OMA1: variants seen among roughly 807,000 people sequenced by gnomAD.
OMA1 encodes metalloendopeptidase OMA1, mitochondrial.
In OMA1, 38 loss-of-function variants were observed where a neutral mutation model predicts 30.9. The ratio of observed to expected loss-of-function variants is 1.23; its 90% CI spans 0.95 to 1.61. The LOEUF is 1.61. Among genes scored for constraint, OMA1 ranks in the 40% most tolerant of loss-of-function variants. OMA1 has a pLI of 0.00. For synonymous variants in OMA1, 173 were observed against 121.9 expected (o/e 1.42, Z -2.76); for missense variants, 461 against 349.2 (o/e 1.32, Z -2.55).
At chr1:58,542,990 T>TTA (rs372514731) in intron 1 of OMA1, among the ~76,000 whole-genome samples, 7,385 of 145,070 alleles carry the variant, frequency 0.051, 222 homozygotes, top group African/African-American at 0.065. Context: ...AAAGCTTTTT[T>TTA]AAAAAAAAAA....
At chr1:58,493,861 C>T (rs1415672379) in intron 8 of OMA1, among the ~76,000 whole-genome samples, 1 of 151,616 alleles carries the variant, frequency 6.6e-6, no homozygotes, top group African/African-American at 2.4e-5. Context: ...TTTATAGATT[C>T]AATGCCATCC....
intron 7 of OMA1, among the ~76,000 whole-genome samples, chr1:58,525,592 A>G (rs952004948): frequency 1.3e-5 from 2 of 152,130 alleles, no homozygotes; most frequent in African/African-American, 2.4e-5. Flanking sequence ...AAAATATATC[A>G]TATTTATGGA....
At chr1:58,533,119 A>G (rs557699982) in intron 5 of OMA1, among the ~76,000 whole-genome samples, 43 of 152,366 alleles carry the variant, frequency 2.8e-4, no homozygotes, top group African/African-American at 9.6e-4. Context: ...TTTTAAATGA[A>G]TAACAATTTA....
chr1:58,499,967 G>A (rs1388356251), intron 8 of OMA1, among the ~76,000 whole-genome samples: 3 of 151,712 alleles, frequency 2.0e-5, no homozygotes, highest in Non-Finnish European at 4.4e-5. Context: ...AAAAAAAGAA[G>A]AAAAAAATGG....
chr1:58,513,106 T>C (rs1224225401), intron 7 of OMA1, among the ~76,000 whole-genome samples: 1 of 152,104 alleles, frequency 6.6e-6, no homozygotes, highest in Non-Finnish European at 1.5e-5. Flanking sequence ...TCCCCATGTG[T>C]CGAGGGAGGG....
chr1:58,536,285 T>A (rs1475999307), intron 3 of OMA1, among the ~76,000 whole-genome samples: 2 of 152,068 alleles, frequency 1.3e-5, no homozygotes, highest in Non-Finnish European at 2.9e-5. Flanking sequence ...AAAAGTGACA[T>A]TTAAGGTGAA....
At chr1:58,499,791 T>A (rs983512254) in intron 8 of OMA1, among the ~76,000 whole-genome samples, 1 of 151,538 alleles carries the variant, frequency 6.6e-6, no homozygotes, top group African/African-American at 2.4e-5. Context: ...TTAGTTAAAG[T>A]AAATAAAAAA....
intron 7 of OMA1, among the ~76,000 whole-genome samples, chr1:58,522,844 T>C (rs1646288308): frequency 6.6e-6 from 1 of 152,176 alleles, no homozygotes; most frequent in African/African-American, 2.4e-5. Context: ...TAAGTGGAAG[T>C]GGATCATCAT....
chr1:58,495,167 G>T (rs1260636000), intron 8 of OMA1, among the ~76,000 whole-genome samples: 1 of 152,042 alleles, frequency 6.6e-6, no homozygotes, highest in African/African-American at 2.4e-5. Context: ...ACTATTGCAA[G>T]GACAAAAAAC....
At chr1:58,510,734 A>C (rs936516019) in intron 7 of OMA1, among the ~76,000 whole-genome samples, 11 of 152,006 alleles carry the variant, frequency 7.2e-5, no homozygotes, top group African/African-American at 2.4e-4. Context: ...CTCCACACAC[A>C]CAAAAAAAAA....
At chr1:58,533,902 T>C (rs759587060) in intron 5 of OMA1, 51 bp downstream of exon 5, 2 of 840,658 alleles carry the variant, frequency 2.4e-6, no homozygotes. Context: ...ATTTAACTTG[T>C]TAACTTCAAA....
At chr1:58,514,552 C>CT (rs1646130367) in intron 7 of OMA1, among the ~76,000 whole-genome samples, 1 of 152,092 alleles carries the variant, frequency 6.6e-6, no homozygotes, top group Non-Finnish European at 1.5e-5. Context: ...GAATCTGAAT[C>CT]TTTTTTTAGG....
chr1:58,532,613 G>T (rs1646451702), intron 5 of OMA1, among the ~76,000 whole-genome samples: 1 of 152,036 alleles, frequency 6.6e-6, no homozygotes, highest in East Asian at 1.9e-4. Context: ...CTGTAGCCTT[G>T]ATCTCCCAGG....
In OMA1 at chr1:58,480,842, TGTACATGATTTGACCCTG is replaced by T; in HGVS notation, c.*105_*122del. The T allele has an allele frequency of 3.3e-6, 2 of 614,282 alleles. No homozygotes were observed. Among genetic ancestry groups the T allele is most frequent in the Non-Finnish European group, 5.5e-6 (2 of 365,608 alleles). The allele number at this position is 614,282 out of a possible 1,614,324, so 38.1% of individuals were successfully genotyped here. On this transcript the variant is annotated 3_prime_UTR_variant, in exon 9 of 9. Transcript: ENST00000371226. Reference sequence around the variant, plus strand: ...AGAAGAATTTAGATAATATCTGTAATGTACATGATTTGACCCTGAATATCCTTTTTTTTTTCACTTCAA... The same window carrying T: ...AGAAGAATTTAGATAATATCTGTAATAATATCCTTTTTTTTTTCACTTCAA...
intron 6 of OMA1, among the ~76,000 whole-genome samples, chr1:58,528,294 A>T (rs1227096291): frequency 6.6e-6 from 1 of 152,246 alleles, no homozygotes; most frequent in Non-Finnish European, 1.5e-5. Flanking sequence ...AATACTGTTA[A>T]CTTATTGTTA....
chr1:58,546,369 G>A (rs1285465469), intron 1 of OMA1, among the ~76,000 whole-genome samples: 2 of 152,214 alleles, frequency 1.3e-5, no homozygotes, highest in East Asian at 3.9e-4. Flanking sequence ...GGCGGGCTGA[G>A]GGGGAGGGCA....
At chr1:58,485,534 A>G (rs1163704690) in intron 8 of OMA1, among the ~76,000 whole-genome samples, 1 of 152,108 alleles carries the variant, frequency 6.6e-6, no homozygotes, top group Non-Finnish European at 1.5e-5. Flanking sequence ...ATGACCATAC[A>G]TATTTCTATC....
At chr1:58,509,121 T>C (rs1352063302) in intron 7 of OMA1, among the ~76,000 whole-genome samples, 1 of 152,126 alleles carries the variant, frequency 6.6e-6, no homozygotes, top group Non-Finnish European at 1.5e-5. Flanking sequence ...GAGGTTGCTG[T>C]TTTTTCCTAA....
rs539200979 is a variant in OMA1 at position 58,504,810 on chromosome 1, T to C, written c.1365+1250A>G. Among the ~76,000 whole-genome samples, 12 of 152,324 alleles carry C rather than the reference T, an allele frequency of 7.9e-5. No individual in the cohort carries two copies. In the South Asian group the frequency reaches 2.1e-3, roughly 26 times the overall value. The stretch of plus-strand genomic sequence containing the variant: ...ATGATAAATCATATCCTTGTACTAA[T>C]AATCATTTTTTATTTATCTTAGCAT... On this transcript the variant is annotated intron_variant, in intron 8 of 8. Coordinates refer to ENST00000371226, the MANE Select transcript of OMA1 (RefSeq NM_145243.5).
Sources: allele counts gnomAD v4.1 joint callset (sites outside exome capture counted in the v4.1 genomes callset), GRCh38; gene constraint gnomAD v4.1.1; transcripts MANE v1.5; gene names NCBI Gene and HGNC (gene_info 2026-07-23, HGNC 2026-07-21).